The following MTBP variants were observed in gnomAD, a reference collection of about 807,000 sequenced individuals.
The protein encoded by MTBP is MDM2 binding protein.
In MTBP, 101 loss-of-function variants were observed where a neutral mutation model predicts 117.0. The observed-to-expected ratio is 0.86, with a 90% CI of 0.73 to 1.02. MTBP has a LOEUF of 1.02. MTBP is among the 50% of genes least tolerant of loss of function. The pLI, the probability that MTBP is intolerant of heterozygous loss-of-function variation, is 0.00. For missense variants in MTBP, 970 were observed against 1,030.9 expected (o/e 0.94, Z 0.81); for synonymous variants, 350 against 351.5 (o/e 1.00, Z 0.05).
At chr8:120,480,788 G>A (rs1421097552) in intron 11 of MTBP, among the ~76,000 whole-genome samples, 2 of 151,986 alleles carry the variant, frequency 1.3e-5, no homozygotes, top group Non-Finnish European at 2.9e-5. Flanking sequence ...TAAAGCTTTT[G>A]TAAGATAACA....
intron 13 of MTBP, among the ~76,000 whole-genome samples, chr8:120,495,307 A>G (rs1161712267): frequency 2.0e-5 from 3 of 151,968 alleles, no homozygotes; most frequent in Admixed American, 6.6e-5. Flanking sequence ...TATAATTCCT[A>G]TTCTTTGTGG....
chr8:120,484,291 T>G (rs957321379), intron 11 of MTBP, among the ~76,000 whole-genome samples: 1 of 152,158 alleles, frequency 6.6e-6, no homozygotes, highest in Non-Finnish European at 1.5e-5. Context: ...TAATAACCTT[T>G]ATTTAAATTC....
chr8:120,460,914 A>G (rs1414605407), intron 8 of MTBP, among the ~76,000 whole-genome samples: 1 of 151,986 alleles, frequency 6.6e-6, no homozygotes, highest in African/African-American at 2.4e-5. Context: ...CTCTTCCCAT[A>G]CTTATTTTCT....
intron 13 of MTBP, among the ~76,000 whole-genome samples, chr8:120,496,907 C>T (rs1814476978): frequency 6.6e-6 from 1 of 152,168 alleles, no homozygotes; most frequent in Admixed American, 6.5e-5. Context: ...GCTTTGCAGA[C>T]TCCGTTACCA....
In MTBP at chr8:120,463,690, A is replaced by G; in HGVS notation, c.978-2A>G. The G allele has an allele frequency of 5.0e-6, 8 of 1,609,030 alleles. No individual in the cohort carries two copies. Among genetic ancestry groups the G allele is most frequent in the Non-Finnish European group, 6.8e-6 (8 of 1,176,634 alleles). ...CATCATTTCTTTAACTCCTTAGTAC[A>G]GAGGATTGACAAACAGTACCAAACA... On this transcript the variant is annotated splice_acceptor_variant, in intron 9 of 21. Transcript: ENST00000305949. LOFTEE classifies it high-confidence loss of function.
chr8:120,502,528 T>C lies in MTBP; in HGVS notation c.1646T>C (p.Met549Thr). 2 of 1,607,156 alleles carry C rather than the reference T, an allele frequency of 1.2e-6. No homozygotes were observed. Among genetic ancestry groups the C allele is most frequent in the Non-Finnish European group, 1.7e-6 (2 of 1,177,666 alleles). ...SPVEPNSSSL[M>T]ETNPLEWPER... The stretch of plus-strand genomic sequence containing the variant: ...GTGGAACCTAATTCCTCAAGTCTAA[T>C]GGAAACCAATCCTCTGGAATGGCCA... Residue 549 changes from methionine (M) to threonine (T), a missense_variant, in exon 15 of 22, where the codon ATG becomes ACG. Physicochemically the swap from Met to Thr is moderately conservative, Grantham distance 81. Coordinates refer to ENST00000305949, the MANE Select transcript of MTBP (RefSeq NM_022045.5).
At chr8:120,480,036 A>G (rs906111483) in intron 11 of MTBP, among the ~76,000 whole-genome samples, 6 of 152,170 alleles carry the variant, frequency 3.9e-5, no homozygotes, top group African/African-American at 1.2e-4. Context: ...ACCCCAAAAC[A>G]TTACTGAGAG....
chr8:120,475,792 A>G (rs930829309), intron 11 of MTBP, among the ~76,000 whole-genome samples: 1 of 152,020 alleles, frequency 6.6e-6, no homozygotes, highest in Non-Finnish European at 1.5e-5. Context: ...TTGAGAAGAC[A>G]GATGAATAGT....
In MTBP at chr8:120,490,915, C is replaced by A. The variant is rs114046137; in HGVS notation, c.1447+345C>A. ...AATATCTTTTTATATATTTTTGTAGCGGAAGTTGGGTGCTACAAATAGGAA... is the reference window on the plus strand; with the variant it reads ...AATATCTTTTTATATATTTTTGTAGAGGAAGTTGGGTGCTACAAATAGGAA... On this transcript the variant is annotated intron_variant, in intron 13 of 21. Transcript: ENST00000305949. 5.1e-3 allele frequency among the ~76,000 whole-genome samples: 782 copies of A among 151,900 alleles called. 8 individuals carry two copies. The highest frequency in any genetic ancestry group is 0.017 in the African/African-American group (694 of 41,450).
chr8:120,463,901 G>T (rs1419236903), intron 10 of MTBP, 140 bp downstream of exon 10: 3 of 692,984 alleles, frequency 4.3e-6, no homozygotes, highest in Non-Finnish European at 4.6e-6. Context: ...GATAATTTTG[G>T]TCCTAACTCA....
At chr8:120,490,306 T>C (rs1814316586) in intron 12 of MTBP, among the ~76,000 whole-genome samples, 157 bp from the exon 13 acceptor site, 1 of 152,214 alleles carries the variant, frequency 6.6e-6, no homozygotes, top group Non-Finnish European at 1.5e-5. Context: ...TTAATTATTA[T>C]TATTATTTAC....
In MTBP at chr8:120,455,465, T is replaced by C; in HGVS notation, c.515T>C (p.Leu172Pro). 1.9e-6 allele frequency: 3 copies of C among 1,609,608 alleles called. No individual in the cohort carries two copies. The highest frequency in any genetic ancestry group is 2.5e-6 in the Non-Finnish European group (3 of 1,177,282). The change falls in exon 6 of 22, where the codon CTT (leucine) becomes CCT (proline). Residue 172 changes from leucine (L) to proline (P), a missense_variant. Physicochemically the swap from Leu to Pro is moderately conservative, Grantham distance 98. Coordinates refer to ENST00000305949, the MANE Select transcript of MTBP (RefSeq NM_022045.5). Reference sequence around the variant, plus strand: ...GCAATGGTAGATATAATACTGTTGCTTTCTGACAAAGATCCTCCTAAATTG... The same window carrying C: ...GCAATGGTAGATATAATACTGTTGCCTTCTGACAAAGATCCTCCTAAATTG... ...GRAMVDIILL[L>P]SDKDPPKLKD...
chr8:120,520,754 T>C lies in MTBP; in HGVS notation c.2611-1900T>C, dbSNP rs537819028. ...TGCTAGAAGATAGTAGAAAAGTATCTTCAAATTCTGAGGGATGTGCATTTC... is the reference window on the plus strand; with the variant it reads ...TGCTAGAAGATAGTAGAAAAGTATCCTCAAATTCTGAGGGATGTGCATTTC... On this transcript the variant is annotated intron_variant, in intron 20 of 21. Transcript: ENST00000305949. Among the ~76,000 whole-genome samples the C allele has an allele frequency of 3.3e-5, 5 of 151,644 alleles. No individual in the cohort carries two copies. In the East Asian group the frequency reaches 7.8e-4, roughly 24 times the overall value.
chr8:120,516,000 T>G lies in MTBP; in HGVS notation c.2055T>G (p.Tyr685Ter). ...FSELQSRLIR[Y>*]ETQTTCTRES... ...AACTTCAGTCTCGTCTTATTCGTTA[T>G]GAAACTCAAACTACCTGCACCAGAG... Residue 685 changes from tyrosine to a stop codon, truncating the protein, a stop_gained, in exon 18 of 22, where the codon TAT becomes TAG. Coordinates refer to ENST00000305949, the MANE Select transcript of MTBP (RefSeq NM_022045.5). LOFTEE classifies it high-confidence loss of function. 3 of 1,613,088 alleles carry G rather than the reference T, an allele frequency of 1.9e-6. No homozygotes were observed. Among genetic ancestry groups the G allele is most frequent in the Non-Finnish European group, 2.5e-6 (3 of 1,179,240 alleles).
rs763898923 is a variant in MTBP at position 120,451,188 on chromosome 8, G to C, written c.291G>C (p.Trp97Cys). ...TTTGTTAGTTTTGTAGTTCTGATTG[G>C]CAAGAGATACATTTTGATACAGAAA... ...YGFYQFCSSD[W>C]QEIHFDTEKD... The change falls in exon 4 of 22, where the codon TGG (tryptophan) becomes TGC (cysteine). Residue 97 changes from tryptophan (W) to cysteine (C), a missense_variant. Transcript: ENST00000305949. 6.2e-7 allele frequency: 1 copy of C among 1,605,458 alleles called. No homozygotes were observed. Among genetic ancestry groups the C allele is most frequent in the Non-Finnish European group, 8.5e-7 (1 of 1,174,346 alleles).
rs201276022 is a variant in MTBP at position 120,497,586 on chromosome 8, G to T, written c.1609+32G>T. 78 of 442,828 alleles carry T rather than the reference G, an allele frequency of 1.8e-4. 1 individual carries two copies. Among genetic ancestry groups the T allele is most frequent in the Non-Finnish European group, 2.3e-4 (68 of 290,006 alleles). 27.4% of individuals were successfully genotyped at this position (442,828 alleles called of 1,614,324 possible). On this transcript the variant is annotated intron_variant, in intron 14 of 21. Transcript: ENST00000305949. ...TTTTTATTACTTTAAATTTTAGTTC[G>T]TGTGTGTGTGGCAACTATGACATTT... is the stretch of plus-strand genomic sequence containing the variant.
intron 12 of MTBP, among the ~76,000 whole-genome samples, chr8:120,490,048 G>C (rs893862992): frequency 2.0e-5 from 3 of 152,166 alleles, no homozygotes; most frequent in Admixed American, 1.3e-4. Flanking sequence ...GGACCATCCA[G>C]CACATTTATC....
rs1432769234 is a variant in MTBP, at chr8:120,459,358, G to A, written c.882+9G>A. ...AGAATATTTTGCCAAAGGTAATCGT[G>A]TTTAATTTTTTTGTGTGATCATTCA... On this transcript the variant is annotated intron_variant, in intron 8 of 21. Transcript: ENST00000305949. 1.3e-6 allele frequency: 2 copies of A among 1,584,882 alleles called. No individual in the cohort carries two copies. Among genetic ancestry groups the A allele is most frequent in the South Asian group, 1.2e-5 (1 of 85,186 alleles).
intron 17 of MTBP, 112 bp downstream of exon 17, chr8:120,510,141 GT>G: frequency 2.7e-6 from 2 of 752,082 alleles, no homozygotes; most frequent in Non-Finnish European, 4.0e-6. Context: ...AAGAGGATAT[GT>G]CAAAAACCTC....
Sources: gnomAD v4.1 joint callset for allele counts (sites outside exome capture counted in the v4.1 genomes callset) on GRCh38, gnomAD v4.1.1 for gene constraint, MANE v1.5 for transcripts, NCBI Gene and HGNC (gene_info 2026-07-23, HGNC 2026-07-21) for gene names.